ATXN1: variants seen among roughly 807,000 people sequenced by gnomAD.
ATXN1 encodes the protein ataxin 1, also known as ataxin-1.
A neutral mutation model predicts 56.4 loss-of-function variants in ATXN1; 8 were observed. That is an observed-to-expected ratio of 0.14 (90% CI 0.08 to 0.26). The LOEUF (loss-of-function observed/expected upper bound fraction) is 0.26, where lower values mean the gene tolerates loss of function less well. Among genes scored for constraint, ATXN1 ranks in the 10% least tolerant of loss-of-function variants. The pLI, the probability that ATXN1 is intolerant of heterozygous loss-of-function variation, is 1.00. For missense variants in ATXN1, 987 were observed against 1,106.5 expected, an observed-to-expected ratio of 0.89 and a Z score of 1.53; for synonymous variants, 514 against 494.6, an observed-to-expected ratio of 1.04 and a Z score of -0.52.
chr6:16,402,103 C>G (rs983668339), intron 6 of ATXN1, among the ~76,000 whole-genome samples: 8 of 151,994 alleles, frequency 5.3e-5, no homozygotes, highest in African/African-American at 1.7e-4. Context: ...ACCTGCCCCC[C>G]ATGATTCAAT....
chr6:16,439,791 G>T (rs1759476453), intron 6 of ATXN1, among the ~76,000 whole-genome samples: 1 of 152,072 alleles, frequency 6.6e-6, no homozygotes, highest in Admixed American at 6.5e-5. Context: ...AATTAAAGTG[G>T]GGCCAGGCAC....
At chr6:16,620,866 C>T (rs774527357) in intron 3 of ATXN1, among the ~76,000 whole-genome samples, 1 of 152,232 alleles carries the variant, frequency 6.6e-6, no homozygotes, top group Non-Finnish European at 1.5e-5. Context: ...CAGGACTACA[C>T]TCTCCTCTAT....
intron 6 of ATXN1, among the ~76,000 whole-genome samples, chr6:16,418,139 A>T (rs927691274): frequency 1.3e-5 from 2 of 152,266 alleles, no homozygotes; most frequent in Non-Finnish European, 2.9e-5. Flanking sequence ...TATTTGGCAC[A>T]TAATAGGTGC....
At chr6:16,722,205 T>C (rs3828867) in intron 2 of ATXN1, among the ~76,000 whole-genome samples, 57,653 of 152,060 alleles carry the variant, frequency 0.38, 11,277 homozygotes, top group East Asian at 0.58. Flanking sequence ...TTCTCCCAAA[T>C]GGCACTGCAG....
intron 4 of ATXN1, among the ~76,000 whole-genome samples, chr6:16,552,819 C>T (rs1043642797): frequency 3.9e-5 from 6 of 152,198 alleles, no homozygotes; most frequent in African/African-American, 1.2e-4. Flanking sequence ...CTGCACTCTG[C>T]GCTTCCACAT....
At chr6:16,348,263 T>G (rs1279912601) in intron 6 of ATXN1, among the ~76,000 whole-genome samples, 2 of 152,176 alleles carry the variant, frequency 1.3e-5, no homozygotes, top group Admixed American at 1.3e-4. Context: ...TAGGGTTTCA[T>G]CACGCTGTGC....
At chr6:16,425,907 C>T (rs1759143564) in intron 6 of ATXN1, among the ~76,000 whole-genome samples, 1 of 152,132 alleles carries the variant, frequency 6.6e-6, no homozygotes, top group Admixed American at 6.5e-5. Flanking sequence ...ACCCTATAAG[C>T]ATGATGACAT....
At chr6:16,429,761 T>C (rs1183103638) in intron 6 of ATXN1, among the ~76,000 whole-genome samples, 1 of 152,276 alleles carries the variant, frequency 6.6e-6, no homozygotes, top group Non-Finnish European at 1.5e-5. Context: ...TTCTATGAGT[T>C]TTAGGCCCAT....
At chr6:16,700,863 T>C (rs936757142) in intron 2 of ATXN1, among the ~76,000 whole-genome samples, 2 of 151,926 alleles carry the variant, frequency 1.3e-5, no homozygotes, top group South Asian at 4.1e-4. Flanking sequence ...GGAAAACAGA[T>C]CTTAAGAAGA....
intron 4 of ATXN1, among the ~76,000 whole-genome samples, chr6:16,556,965 T>C (rs1762025547): frequency 6.6e-6 from 1 of 152,138 alleles, no homozygotes; most frequent in Non-Finnish European, 1.5e-5. Flanking sequence ...AGGTATCCCA[T>C]ATTTAAATAA....
At chr6:16,581,696 G>A (rs1226403030) in intron 4 of ATXN1, among the ~76,000 whole-genome samples, 1 of 152,144 alleles carries the variant, frequency 6.6e-6, no homozygotes, top group African/African-American at 2.4e-5. Flanking sequence ...TTATGCATGT[G>A]CACAAAAGGT....
At chr6:16,610,193 C>T (rs907003344) in intron 3 of ATXN1, among the ~76,000 whole-genome samples, 1 of 151,828 alleles carries the variant, frequency 6.6e-6, no homozygotes, top group African/African-American at 2.4e-5. Flanking sequence ...GTAAATACCA[C>T]AGAAGCAATT....
Position 16,327,436 on chromosome 6 carries a change from T to C in ATXN1, c.875A>G (p.Gln292Arg). 6.2e-7 allele frequency: 1 copy of C among 1,613,690 alleles called. No homozygotes were observed. The highest frequency in any genetic ancestry group is 8.5e-7 in the Non-Finnish European group (1 of 1,179,978). Residue 292 changes from glutamine to arginine, a missense_variant, in exon 7 of 8, where the codon CAA (glutamine) becomes CGA (arginine). Around this residue, in one of 3 missense-constraint regions of ATXN1, gnomAD observed 723 missense variants for 791.7 expected, o/e 0.91. Transcript: ENST00000436367. ...TLGPPSQVVM[Q>R]YADSGSHFVP... ...AAAGTGGCTGCCGGAGTCGGCGTAT[T>C]GCATGACGACCTGGGAGGGGGGCCC...
At chr6:16,573,729 C>G (rs1762372883) in intron 4 of ATXN1, among the ~76,000 whole-genome samples, 1 of 152,210 alleles carries the variant, frequency 6.6e-6, no homozygotes, top group African/African-American at 2.4e-5. Context: ...GCTGGCCCCT[C>G]CAACATATCC....
At chr6:16,558,055 T>G (rs1280869068) in intron 4 of ATXN1, among the ~76,000 whole-genome samples, 2 of 151,902 alleles carry the variant, frequency 1.3e-5, no homozygotes, top group African/African-American at 4.8e-5. Flanking sequence ...TGGGTAAAGG[T>G]TTTCTTTTTG....
Position 16,645,456 on chromosome 6 carries a change from C to G in ATXN1, c.-489+12320G>C, listed in dbSNP as rs376163508. Among the ~76,000 whole-genome samples the G allele has an allele frequency of 3.9e-5, 6 of 152,180 alleles. No individual in the cohort carries two copies. The East Asian group carries it at 1.2e-3, about 29-fold the overall frequency. On this transcript the variant is annotated intron_variant, in intron 3 of 7. Transcript: ENST00000436367. Reference sequence around the variant, plus strand: ...TCGTTTCCTTAAAAGCAACTGTGTACTTGCTTAGCAACGTGGACTTAAACC... The same window carrying G: ...TCGTTTCCTTAAAAGCAACTGTGTAGTTGCTTAGCAACGTGGACTTAAACC...
At chr6:16,574,115 C>T (rs1452484526) in intron 4 of ATXN1, among the ~76,000 whole-genome samples, 1 of 152,236 alleles carries the variant, frequency 6.6e-6, no homozygotes, top group African/African-American at 2.4e-5. Flanking sequence ...CAACCTCTGC[C>T]TTCCAGGTTC....
chr6:16,711,561 T>TAC (rs1182313922), intron 2 of ATXN1, among the ~76,000 whole-genome samples: 1 of 148,450 alleles, frequency 6.7e-6, no homozygotes, highest in African/African-American at 2.5e-5. Context: ...CATATATATA[T>TAC]ACACACATAT....
chr6:16,322,016 G>A (rs1208826367), intron 7 of ATXN1, among the ~76,000 whole-genome samples: 1 of 152,184 alleles, frequency 6.6e-6, no homozygotes. Flanking sequence ...GAGCCCAGGA[G>A]TTCCAGACCA....
Sources: gnomAD v4.1 joint callset for allele counts (sites outside exome capture counted in the v4.1 genomes callset) on GRCh38, gnomAD v4.1.1 for gene constraint, gnomAD v4.1.1 regional missense constraint, MANE v1.5 for transcripts, NCBI Gene and HGNC (gene_info 2026-07-23, HGNC 2026-07-21) for gene names.